EPHA6: variants seen among roughly 807,000 people sequenced by gnomAD.
EPHA6 encodes ephrin type-A receptor 6.
EPHA6 carries 50 observed loss-of-function variants against 112.0 expected under a neutral mutation model. That is an observed-to-expected ratio of 0.45 (90% CI 0.36 to 0.56). The LOEUF (loss-of-function observed/expected upper bound fraction) is 0.56, where lower values mean the gene tolerates loss of function less well. EPHA6 is among the 20% of genes least tolerant of loss of function. EPHA6 has a pLI of 0.00. For missense variants in EPHA6, 1,280 were observed against 1,417.4 expected (o/e 0.90, Z 1.56); for synonymous variants, 529 against 490.7 (o/e 1.08, Z -1.03).
intron 3 of EPHA6, among the ~76,000 whole-genome samples, chr3:97,120,889 AAAT>A (rs955274958): frequency 6.6e-6 from 1 of 152,002 alleles, no homozygotes; most frequent in Admixed American, 6.6e-5. Context: ...GTGTAAGTAA[AAAT>A]AAACACTGGC....
At chr3:97,565,793 T>G (rs1039144638) in intron 11 of EPHA6, among the ~76,000 whole-genome samples, 18 of 151,658 alleles carry the variant, frequency 1.2e-4, no homozygotes, top group African/African-American at 4.4e-4. Context: ...CTGAGGCAGG[T>G]GGATCACAAG....
At chr3:97,550,941 C>G (rs1042900941) in intron 11 of EPHA6, among the ~76,000 whole-genome samples, 12 of 152,012 alleles carry the variant, frequency 7.9e-5, no homozygotes, top group Non-Finnish European at 1.6e-4. Flanking sequence ...AAAGAAGGAA[C>G]CTAATTTTTC....
At chr3:97,148,547 T>A (rs1255720799) in intron 3 of EPHA6, among the ~76,000 whole-genome samples, 3 of 152,138 alleles carry the variant, frequency 2.0e-5, no homozygotes, top group African/African-American at 7.2e-5. Context: ...CCTTTTAATA[T>A]ATGCTACTTG....
chr3:97,018,257 A>G (rs2044332819), intron 3 of EPHA6, among the ~76,000 whole-genome samples: 2 of 151,918 alleles, frequency 1.3e-5, no homozygotes, highest in African/African-American at 4.8e-5. Context: ...CTTTATGTGT[A>G]GGGACCAGCC....
At chr3:97,355,289 A>C (rs2084014203) in intron 5 of EPHA6, among the ~76,000 whole-genome samples, 1 of 152,216 alleles carries the variant, frequency 6.6e-6, no homozygotes. Flanking sequence ...AACCCATCAA[A>C]TATAATAATT....
intron 11 of EPHA6, among the ~76,000 whole-genome samples, chr3:97,536,594 G>A (rs1427412760): frequency 6.6e-6 from 1 of 152,092 alleles, no homozygotes; most frequent in African/African-American, 2.4e-5. Context: ...TAATACTCAA[G>A]AATATTGTGG....
intron 2 of EPHA6, among the ~76,000 whole-genome samples, chr3:96,921,280 T>G (rs1394504553): frequency 6.6e-6 from 1 of 152,064 alleles, no homozygotes; most frequent in South Asian, 2.1e-4. Flanking sequence ...GAAGAGCATA[T>G]TAGCTACATA....
intron 2 of EPHA6, among the ~76,000 whole-genome samples, chr3:96,951,865 G>C (rs547944453): frequency 6.6e-6 from 1 of 152,126 alleles, no homozygotes; most frequent in East Asian, 1.9e-4. Context: ...TAGCAGTTGA[G>C]AGAAAGAAGC....
chr3:97,682,002 C>G (rs984207187), intron 14 of EPHA6, among the ~76,000 whole-genome samples: 2 of 152,068 alleles, frequency 1.3e-5, no homozygotes, highest in South Asian at 4.1e-4. Flanking sequence ...TAAGCCTGCT[C>G]AGCTTAATAT....
intron 5 of EPHA6, among the ~76,000 whole-genome samples, chr3:97,302,385 A>G (rs995964901): frequency 4.6e-5 from 7 of 151,820 alleles, no homozygotes; most frequent in African/African-American, 1.7e-4. Context: ...TTCCTAAACC[A>G]CTGTATATTA....
chr3:97,334,053 G>A (rs2082934252), intron 5 of EPHA6, among the ~76,000 whole-genome samples: 1 of 151,994 alleles, frequency 6.6e-6, no homozygotes. Flanking sequence ...TGTGTCAATT[G>A]ATATAATCAT....
intron 3 of EPHA6, among the ~76,000 whole-genome samples, chr3:96,999,444 G>T (rs1576291249): frequency 6.6e-6 from 1 of 151,888 alleles, no homozygotes; most frequent in East Asian, 1.9e-4. Context: ...CCAGCTCAGA[G>T]ATTAGAGCAG....
At chr3:97,376,784 G>A (rs574282202) in intron 5 of EPHA6, among the ~76,000 whole-genome samples, 1 of 152,270 alleles carries the variant, frequency 6.6e-6, no homozygotes, top group Admixed American at 6.5e-5. Context: ...AAGAAATAAT[G>A]GATTATGCTG....
chr3:97,461,860 GAT>G (rs1195809418), intron 7 of EPHA6, among the ~76,000 whole-genome samples: 1 of 152,162 alleles, frequency 6.6e-6, no homozygotes, highest in African/African-American at 2.4e-5. Context: ...TGACTTCTGA[GAT>G]ACCAAATCTT....
rs187050393 is a variant in EPHA6 at position 97,321,633 on chromosome 3, A to C, written c.1606+77346A>C. Among the ~76,000 whole-genome samples, 54 of 152,032 alleles carry C rather than the reference A, an allele frequency of 3.6e-4. 1 individual carries two copies. The East Asian group carries it at 8.5e-3, about 24-fold the overall frequency. On this transcript the variant is annotated intron_variant, in intron 5 of 17. Coordinates refer to ENST00000389672, the MANE Select transcript of EPHA6 (RefSeq NM_001080448.3). ...TGACCCAAATATCATCTGAAAATCT[A>C]TCTCTCTTTTGCTTGGTTAGCTTTT...
At chr3:97,474,393 A>G (rs1019141185) in intron 7 of EPHA6, among the ~76,000 whole-genome samples, 1 of 151,960 alleles carries the variant, frequency 6.6e-6, no homozygotes, top group African/African-American at 2.4e-5. Flanking sequence ...TTGGTTTTTT[A>G]TATTATTGAT....
chr3:97,264,151 G>A (rs1041034039), intron 5 of EPHA6, among the ~76,000 whole-genome samples: 1 of 152,180 alleles, frequency 6.6e-6, no homozygotes, highest in Admixed American at 6.5e-5. Flanking sequence ...AAACCTCTGT[G>A]GCCTGTGGTG....
intron 5 of EPHA6, among the ~76,000 whole-genome samples, chr3:97,309,777 C>T (rs1013194855): frequency 2.6e-5 from 4 of 151,364 alleles, no homozygotes; most frequent in African/African-American, 7.3e-5. Flanking sequence ...CAGAATGAGA[C>T]CCTGGGGAAA....
intron 5 of EPHA6, among the ~76,000 whole-genome samples, chr3:97,329,748 T>G (rs533897407): frequency 7.9e-5 from 12 of 152,270 alleles, no homozygotes; most frequent in Admixed American, 1.3e-4. Context: ...TTGCAAAAAT[T>G]TTCTCCCATT....
Sources: gnomAD v4.1 joint callset for allele counts (sites outside exome capture counted in the v4.1 genomes callset) on GRCh38, gnomAD v4.1.1 for gene constraint, MANE v1.5 for transcripts, NCBI Gene and HGNC (gene_info 2026-07-23, HGNC 2026-07-21) for gene names.